GATAD2A: variants seen among roughly 807,000 people sequenced by gnomAD.
The protein encoded by GATAD2A is GATA zinc finger domain containing 2A.
Under a neutral mutation model 68.5 loss-of-function variants are expected in GATAD2A, and 12 were observed. That is an observed-to-expected ratio of 0.18 (90% CI 0.11 to 0.28). The LOEUF (loss-of-function observed/expected upper bound fraction) is 0.28, where lower values mean the gene tolerates loss of function less well. GATAD2A is among the 10% of genes least tolerant of loss of function. The pLI is 1.00. For synonymous variants in GATAD2A, 410 were observed against 375.3 expected, an observed-to-expected ratio of 1.09 and a Z score of -1.07; for missense variants, 755 against 868.5, an observed-to-expected ratio of 0.87 and a Z score of 1.64.
At position 19,502,345 on chromosome 19, in the gene GATAD2A, G is replaced by C; in HGVS notation, c.1593G>C (p.Leu531=). The C allele has an allele frequency of 6.2e-7, 1 of 1,611,674 alleles. No homozygotes were observed. Residue 531 remains leucine (L), a synonymous_variant, in exon 11 of 12, where the codon CTG becomes CTC. Coordinates refer to ENST00000683918, the MANE Select transcript of GATAD2A (RefSeq NM_001384528.1). The stretch of plus-strand genomic sequence containing the variant: ...CTCCACTGCAGGCCTCCAGCCAGCT[G>C]TCCCGGGGTTCGGCCACGACGCCCC... ...NGAVLQASSQ[L]SRGSATTPRG...
intron 1 of GATAD2A, among the ~76,000 whole-genome samples, chr19:19,464,335 T>C (rs997369814): frequency 2.6e-5 from 4 of 152,234 alleles, no homozygotes; most frequent in African/African-American, 9.6e-5. Flanking sequence ...ACTGGGATGC[T>C]TTTTTAAGAA....
At chr19:19,447,088 G>A (rs138565540) in intron 1 of GATAD2A, among the ~76,000 whole-genome samples, 10 of 152,314 alleles carry the variant, frequency 6.6e-5, no homozygotes, top group African/African-American at 2.4e-4. Flanking sequence ...ATATCCTGGG[G>A]GTGGAAGCCC....
intron 2 of GATAD2A, among the ~76,000 whole-genome samples, chr19:19,479,869 A>C (rs910903470): frequency 8.3e-6 from 1 of 119,952 alleles, no homozygotes. Context: ...ATGGAGTCTC[A>C]CTGCGTTACC....
rs1416208907 is a variant in GATAD2A, at chr19:19,506,050, C to CT, written c.*577dup. ...CAGACCCTGGGGTCCCTGTTGTACGCTGCATCATCCCGCTGGCCCTGTGCC... is the reference window on the plus strand; with the variant it reads ...CAGACCCTGGGGTCCCTGTTGTACGCTTGCATCATCCCGCTGGCCCTGTGCC... On this transcript the variant is annotated 3_prime_UTR_variant, in exon 12 of 12. Coordinates refer to ENST00000683918, the MANE Select transcript of GATAD2A (RefSeq NM_001384528.1). The CT allele has an allele frequency of 1.5e-5, 6 of 398,830 alleles. 1 individual carries two copies. The highest frequency in any genetic ancestry group is 1.2e-4 in the African/African-American group (6 of 48,588). 24.7% of individuals were successfully genotyped at this position (398,830 alleles called of 1,614,324 possible).
chr19:19,498,948 A>T (rs2060331633), intron 8 of GATAD2A, among the ~76,000 whole-genome samples: 1 of 152,006 alleles, frequency 6.6e-6, no homozygotes, highest in Admixed American at 6.5e-5. Flanking sequence ...GTCCAGGGGG[A>T]CGGGCAGTAG....
intron 1 of GATAD2A, among the ~76,000 whole-genome samples, chr19:19,427,050 C>A (rs757075819): frequency 9.9e-5 from 15 of 151,560 alleles, no homozygotes; most frequent in Non-Finnish European, 2.1e-4. Flanking sequence ...CAAAAAGACA[C>A]ACTTATGATT....
At chr19:19,500,069 C>G (rs776514968) in intron 8 of GATAD2A, among the ~76,000 whole-genome samples, 2 of 152,276 alleles carry the variant, frequency 1.3e-5, no homozygotes, top group Non-Finnish European at 2.9e-5. Context: ...CCAGACCAGT[C>G]TGTCTCTGCC....
intron 1 of GATAD2A, among the ~76,000 whole-genome samples, chr19:19,392,889 G>T (rs1298690163): frequency 6.6e-6 from 1 of 151,952 alleles, no homozygotes; most frequent in African/African-American, 2.4e-5. Context: ...TAGAGACAGG[G>T]TTTCACCATG....
intron 2 of GATAD2A, among the ~76,000 whole-genome samples, chr19:19,476,494 G>T (rs535543429): frequency 6.6e-6 from 1 of 152,334 alleles, no homozygotes; most frequent in Non-Finnish European, 1.5e-5. Context: ...GCACTCCGCT[G>T]TGCCCACTGA....
intron 1 of GATAD2A, among the ~76,000 whole-genome samples, chr19:19,425,000 C>G (rs1386463504): frequency 6.6e-6 from 1 of 151,298 alleles, no homozygotes; most frequent in Non-Finnish European, 1.5e-5. Flanking sequence ...AATCCCAGCC[C>G]TTTTGGAGGC....
At chr19:19,503,668 GTGTGTT>G (rs2060694406) in intron 11 of GATAD2A, among the ~76,000 whole-genome samples, 1 of 151,946 alleles carries the variant, frequency 6.6e-6, no homozygotes, top group Non-Finnish European at 1.5e-5. Context: ...GTGTGTGTGT[GTGTGTT>G]TAAAGTTTGA....
intron 1 of GATAD2A, among the ~76,000 whole-genome samples, chr19:19,412,724 TTCTCCAG>T (rs908593535): frequency 2.6e-5 from 4 of 152,098 alleles, no homozygotes; most frequent in Non-Finnish European, 4.4e-5. Flanking sequence ...ACTTAACATT[TTCTCCAG>T]TCACAGCCAT....
chr19:19,483,902 A>G (rs1172356189), intron 2 of GATAD2A, among the ~76,000 whole-genome samples: 1 of 150,680 alleles, frequency 6.6e-6, no homozygotes. Flanking sequence ...TGCTGGAATT[A>G]CAGGTGTTAG....
chr19:19,424,249 A>G (rs149768903), intron 1 of GATAD2A, among the ~76,000 whole-genome samples: 1 of 151,552 alleles, frequency 6.6e-6, no homozygotes, highest in African/African-American at 2.4e-5. Flanking sequence ...GTTGTTTTTG[A>G]TACAGGGTCT....
At chr19:19,426,388 C>T (rs1458329588) in intron 1 of GATAD2A, among the ~76,000 whole-genome samples, 2 of 152,160 alleles carry the variant, frequency 1.3e-5, no homozygotes, top group South Asian at 2.1e-4. Context: ...GCTAGAGTCC[C>T]CGGGAGGTAC....
At chr19:19,436,231 G>C in intron 1 of GATAD2A, 2 of 1,339,826 alleles carry the variant, frequency 1.5e-6, no homozygotes, top group Non-Finnish European at 2.0e-6. Context: ...TGAGTGCTTG[G>C]GGTGTAGTGT....
Position 19,432,289 on chromosome 19 carries a change from G to GTTTTGT in GATAD2A, c.-7+26293_-7+26298dup, listed in dbSNP as rs762553208. On this transcript the variant is annotated intron_variant, in intron 1 of 11. Coordinates refer to ENST00000683918, the MANE Select transcript of GATAD2A (RefSeq NM_001384528.1). ...TGTGCTTGACAGTGGTTTTTGTTTT[G>GTTTTGT]TTTTGTTTTTGTTTTTGTTTTTGTT... 1.1e-3 allele frequency among the ~76,000 whole-genome samples: 165 copies of GTTTTGT among 151,818 alleles called. 2 individuals carry two copies. Among genetic ancestry groups the GTTTTGT allele is most frequent in the African/African-American group, 1.2e-3 (48 of 41,406 alleles).
At chr19:19,421,650 C>T (rs1326341842) in intron 1 of GATAD2A, among the ~76,000 whole-genome samples, 1 of 151,960 alleles carries the variant, frequency 6.6e-6, no homozygotes, top group Admixed American at 6.6e-5. Context: ...CTACTGTGTG[C>T]GAGGGAAGAA....
At chr19:19,495,634 TAAAAAAA>T (rs3067692) in intron 5 of GATAD2A, 113 bp from the exon 6 acceptor site, 3 of 546,342 alleles carry the variant, frequency 5.5e-6, no homozygotes, top group Non-Finnish European at 5.7e-6. Flanking sequence ...CTCTGCTACT[TAAAAAAA>T]AAAAAAAAAA....
Sources: allele counts gnomAD v4.1 joint callset (sites outside exome capture counted in the v4.1 genomes callset), GRCh38; gene constraint gnomAD v4.1.1; transcripts MANE v1.5; gene names NCBI Gene and HGNC (gene_info 2026-07-23, HGNC 2026-07-21).